The following BCO2 variants were observed in gnomAD, a reference collection of about 807,000 sequenced individuals.
BCO2 encodes the protein beta-carotene oxygenase 2, also known as carotenoid-cleaving dioxygenase, mitochondrial.
In BCO2, 56 loss-of-function variants were observed where a neutral mutation model predicts 65.8. The ratio of observed to expected loss-of-function variants is 0.85; its 90% CI spans 0.69 to 1.06. The LOEUF is 1.06. BCO2 is among the 50% of genes least tolerant of loss of function. The pLI is 0.00. For missense variants in BCO2, 675 were observed against 698.5 expected (o/e 0.97, Z 0.38); for synonymous variants, 233 against 242.3 (o/e 0.96, Z 0.36).
chr11:112,198,995 C>T (rs535080557), intron 5 of BCO2, among the ~76,000 whole-genome samples: 1 of 151,890 alleles, frequency 6.6e-6, no homozygotes, highest in Non-Finnish European at 1.5e-5. Flanking sequence ...TTCTGGGGTA[C>T]ATGTGCAGAA....
In BCO2 at chr11:112,218,012, A is replaced by C. The variant is rs1469163943; in HGVS notation, c.*138A>C. On this transcript the variant is annotated 3_prime_UTR_variant, in exon 12 of 12. Transcript: ENST00000357685. ...CAGGGGTTAAAAAGCTACCTATTGA[A>C]TACTATGTTCCCTATTTGGGTGATG... 1 of 616,880 alleles carries C rather than the reference A, an allele frequency of 1.6e-6. No homozygotes were observed. Among genetic ancestry groups the C allele is most frequent in the East Asian group, 2.8e-5 (1 of 35,612 alleles). 38.2% of individuals were successfully genotyped at this position (616,880 alleles called of 1,614,324 possible).
rs554777213 is a variant in BCO2 at position 112,177,564 on chromosome 11, T to C, written c.89-1714T>C. ...CGTCAACTGAATAAAATAAAGGAGA[T>C]ATTACACCTTATTGGACTGATCATT... On this transcript the variant is annotated intron_variant, in intron 1 of 11. Coordinates refer to ENST00000357685, the MANE Select transcript of BCO2 (RefSeq NM_031938.7). 9.8e-5 allele frequency among the ~76,000 whole-genome samples: 15 copies of C among 152,358 alleles called. No homozygotes were observed. In the South Asian group the frequency reaches 3.1e-3, roughly 32 times the overall value.
rs1566774989 is a variant in BCO2, at chr11:112,189,404, A to AG, written c.294-4070_294-4069insG. Among the ~76,000 whole-genome samples the AG allele has an allele frequency of 2.8e-4, 22 of 79,488 alleles. 1 individual carries two copies. The highest frequency in any genetic ancestry group is 4.1e-4 in the South Asian group (1 of 2,440). 52.1% of individuals were successfully genotyped at this position (79,488 alleles called of 152,430 possible). A position where few individuals can be genotyped will look rare whatever the true frequency, so the allele number is the denominator to read the frequency against. On this transcript the variant is annotated intron_variant, in intron 2 of 11. Coordinates refer to ENST00000357685, the MANE Select transcript of BCO2 (RefSeq NM_031938.7). Reference sequence around the variant, plus strand: ...TTAAACAAAATTGATAGAAAAGGAAATTTTTTTTTTTTTTTTTTTGAGACA... The same window carrying AG: ...TTAAACAAAATTGATAGAAAAGGAAAGTTTTTTTTTTTTTTTTTTTGAGACA...
At chr11:112,182,464 A>G (rs188435932) in intron 2 of BCO2, among the ~76,000 whole-genome samples, 2 of 152,246 alleles carry the variant, frequency 1.3e-5, no homozygotes, top group Admixed American at 6.5e-5. Context: ...ATGTCCATCA[A>G]TGATAGACTG....
intron 5 of BCO2, among the ~76,000 whole-genome samples, chr11:112,195,862 G>A (rs187790479): frequency 2.0e-4 from 30 of 152,290 alleles, no homozygotes; most frequent in Non-Finnish European, 3.1e-4. Flanking sequence ...CAGGGATTCC[G>A]GTTTAGTAGA....
intron 10 of BCO2, chr11:112,215,407 AT>A (rs1472962356): frequency 6.0e-6 from 1 of 167,182 alleles, no homozygotes; most frequent in East Asian, 1.7e-4. Context: ...AGGCTGGATA[AT>A]TTATAAAGAA....
At chr11:112,194,805 T>G in intron 5 of BCO2, 50 bp downstream of exon 5, 10 of 1,307,660 alleles carry the variant, frequency 7.6e-6, no homozygotes, top group Non-Finnish European at 9.9e-6. Flanking sequence ...CCAGGCACGG[T>G]GTGTATATAA....
chr11:112,182,695 G>T (rs1285870862), intron 2 of BCO2, among the ~76,000 whole-genome samples: 3 of 151,232 alleles, frequency 2.0e-5, no homozygotes, highest in Non-Finnish European at 4.4e-5. Context: ...ACACTGGGGG[G>T]CCTGTCATGG....
At chr11:112,214,658 G>A (rs1239520606) in intron 9 of BCO2, 104 bp from the exon 10 acceptor site, 6 of 844,272 alleles carry the variant, frequency 7.1e-6, no homozygotes, top group Non-Finnish European at 1.1e-5. Context: ...CAGTTCCCAA[G>A]CCCTGTCACA....
In BCO2 at chr11:112,179,327, G is replaced by A. The variant is rs1184851738; in HGVS notation, c.138G>A (p.Gly46=). ...CTCCTCAGAAAAAAGCCGTCTTTGGGCAGTGTCGGGGTCTGCCATGTGTTG... is the reference window on the plus strand; with the variant it reads ...CTCCTCAGAAAAAAGCCGTCTTTGGACAGTGTCGGGGTCTGCCATGTGTTG... ...GNTPQKKAVF[G]QCRGLPCVAP... Residue 46 remains glycine, a synonymous_variant, in exon 2 of 12, where the codon GGG becomes GGA. Coordinates refer to ENST00000357685, the MANE Select transcript of BCO2 (RefSeq NM_031938.7). 2.5e-6 allele frequency: 4 copies of A among 1,614,056 alleles called. No homozygotes were observed. Among genetic ancestry groups the A allele is most frequent in the African/African-American group, 1.3e-5 (1 of 74,912 alleles).
At chr11:112,204,660 C>G (rs1416693204) in intron 8 of BCO2, among the ~76,000 whole-genome samples, 1 of 152,064 alleles carries the variant, frequency 6.6e-6, no homozygotes, top group Non-Finnish European at 1.5e-5. Context: ...TTCCTTATGA[C>G]TTTTAGTAGC....
Position 112,214,817 on chromosome 11 carries a change from T to C in BCO2, c.1388T>C (p.Ile463Thr), listed in dbSNP as rs1435109112. 2 of 1,613,924 alleles carry C rather than the reference T, an allele frequency of 1.2e-6. No individual in the cohort carries two copies. Among genetic ancestry groups the C allele is most frequent in the Admixed American group, 1.7e-5 (1 of 60,024 alleles). Reference protein sequence around the residue: ...HQEDLEKEGGIEFPQIYYDRF... With the variant: ...HQEDLEKEGGTEFPQIYYDRF... ...GAGGACCTAGAAAAGGAAGGAGGCATTGAATTTCCTCAGATCTACTATGAT... is the reference window on the plus strand; with the variant it reads ...GAGGACCTAGAAAAGGAAGGAGGCACTGAATTTCCTCAGATCTACTATGAT... Residue 463 changes from isoleucine (I) to threonine (T), a missense_variant, in exon 10 of 12, where the codon ATT becomes ACT. By Grantham distance (89) the Ile-to-Thr change is moderately conservative. Coordinates refer to ENST00000357685, the MANE Select transcript of BCO2 (RefSeq NM_031938.7).
At chr11:112,198,763 G>A (rs1566785625) in intron 5 of BCO2, among the ~76,000 whole-genome samples, 1 of 152,106 alleles carries the variant, frequency 6.6e-6, no homozygotes, top group Non-Finnish European at 1.5e-5. Flanking sequence ...GGGCTGGAGG[G>A]AAGGAGTTGG....
At chr11:112,208,058 C>T (rs1174706799) in intron 8 of BCO2, among the ~76,000 whole-genome samples, 1 of 151,310 alleles carries the variant, frequency 6.6e-6, no homozygotes, top group African/African-American at 2.4e-5. Context: ...CTCCTGAGTT[C>T]GAGCAATACT....
intron 1 of BCO2, among the ~76,000 whole-genome samples, chr11:112,178,041 T>C (rs890447761): frequency 1.3e-5 from 2 of 151,190 alleles, no homozygotes; most frequent in Admixed American, 6.6e-5. Context: ...CCTGAGTAGC[T>C]GGGATTACAG....
intron 2 of BCO2, chr11:112,181,221 G>C (rs545217407): frequency 2.0e-5 from 14 of 700,420 alleles, no homozygotes; most frequent in Non-Finnish European, 2.9e-5. Context: ...TCGCTCTGTC[G>C]CCCAGGCTGG....
intron 2 of BCO2, chr11:112,181,760 C>G: frequency 2.3e-6 from 2 of 854,722 alleles, no homozygotes; most frequent in Non-Finnish European, 4.1e-6. Flanking sequence ...TCAGTGGTGC[C>G]GATCTTTCTT....
At chr11:112,190,998 ATCTC>A (rs1004864048) in intron 2 of BCO2, among the ~76,000 whole-genome samples, 2 of 150,042 alleles carry the variant, frequency 1.3e-5, no homozygotes, top group African/African-American at 4.9e-5. Flanking sequence ...TATCTTATGT[ATCTC>A]TATCTATTAT....
intron 8 of BCO2, among the ~76,000 whole-genome samples, chr11:112,206,603 T>A (rs1031837262): frequency 2.0e-5 from 3 of 152,166 alleles, no homozygotes; most frequent in South Asian, 2.1e-4. Context: ...TACAAAAAAA[T>A]TTAAAAATAT....
Sources: gnomAD v4.1 joint callset for allele counts (sites outside exome capture counted in the v4.1 genomes callset) on GRCh38, gnomAD v4.1.1 for gene constraint, MANE v1.5 for transcripts, NCBI Gene and HGNC (gene_info 2026-07-23, HGNC 2026-07-21) for gene names.